The following DPP10 variants were observed in gnomAD, a reference collection of about 807,000 sequenced individuals.
The protein encoded by DPP10 is dipeptidyl peptidase like 10, also known as inactive dipeptidyl peptidase 10.
A neutral mutation model predicts 120.9 loss-of-function variants in DPP10; 33 were observed. That is an observed-to-expected ratio of 0.27 (90% CI 0.21 to 0.37). DPP10 has a LOEUF of 0.37. DPP10 is among the 10% of genes least tolerant of loss of function. DPP10 has a pLI of 1.00. For missense variants in DPP10, 816 were observed against 942.8 expected, an observed-to-expected ratio of 0.87 and a Z score of 1.76; for synonymous variants, 337 against 326.1, an observed-to-expected ratio of 1.03 and a Z score of -0.36.
chr2:115,221,336 A>G (rs1233024475), intron 1 of DPP10, among the ~76,000 whole-genome samples: 1 of 152,146 alleles, frequency 6.6e-6, no homozygotes, highest in Non-Finnish European at 1.5e-5. Flanking sequence ...TTGTGTTAGC[A>G]TATGTTCCCT....
chr2:114,778,204 CACTT>C (rs1184139169), intron 1 of DPP10, among the ~76,000 whole-genome samples: 2 of 152,044 alleles, frequency 1.3e-5, no homozygotes, highest in Non-Finnish European at 2.9e-5. Flanking sequence ...TAAGGGATGA[CACTT>C]ACAGATAGAC....
intron 19 of DPP10, 138 bp from the exon 20 acceptor site, chr2:115,814,655 G>T (rs1037704960): frequency 6.8e-6 from 4 of 592,514 alleles, no homozygotes; most frequent in Non-Finnish European, 5.2e-6. Flanking sequence ...TTACCTTCAG[G>T]TTTATTATCA....
intron 7 of DPP10, among the ~76,000 whole-genome samples, chr2:115,719,167 G>A (rs2092580835): frequency 6.6e-6 from 1 of 151,950 alleles, no homozygotes; most frequent in African/African-American, 2.4e-5. Context: ...TGGTCTTTTT[G>A]CTAACTTTTA....
chr2:114,905,530 G>A (rs1693894389), intron 1 of DPP10, among the ~76,000 whole-genome samples: 1 of 151,986 alleles, frequency 6.6e-6, no homozygotes, highest in South Asian at 2.1e-4. Context: ...TGTTATCTGG[G>A]TAAACTTGTG....
intron 1 of DPP10, among the ~76,000 whole-genome samples, chr2:114,524,187 T>C (rs975045195): frequency 6.6e-6 from 1 of 152,214 alleles, no homozygotes; most frequent in South Asian, 2.1e-4. Context: ...CAGGTGAAGA[T>C]GACATTTGTG....
intron 5 of DPP10, among the ~76,000 whole-genome samples, chr2:115,620,370 A>C (rs139052379): frequency 6.6e-5 from 10 of 152,336 alleles, no homozygotes; most frequent in African/African-American, 2.4e-4. Flanking sequence ...TAGTTTCCTC[A>C]CTGCAAGTGT....
rs117610778 is a variant in DPP10, at chr2:114,696,735, G to A, written c.60+253897G>A. Among the ~76,000 whole-genome samples, 690 of 151,404 alleles carry A rather than the reference G, an allele frequency of 4.6e-3. 2 individuals carry two copies. Among genetic ancestry groups the A allele is most frequent in the Middle Eastern group, 6.8e-3 (2 of 292 alleles). On this transcript the variant is annotated intron_variant, in intron 1 of 25. Transcript: ENST00000410059. ...ACCTAAACTCTGCGTGTGTGTGTGCGCGCGTGCCATAAAGCCAAGGTGGAG... is the reference window on the plus strand; with the variant it reads ...ACCTAAACTCTGCGTGTGTGTGTGCACGCGTGCCATAAAGCCAAGGTGGAG...
intron 1 of DPP10, among the ~76,000 whole-genome samples, chr2:114,546,806 G>A (rs1017716652): frequency 1.1e-4 from 16 of 152,124 alleles, no homozygotes; most frequent in Admixed American, 5.9e-4. Context: ...GCATAACCTC[G>A]TTTTCTTAAT....
At position 114,796,524 on chromosome 2, in the gene DPP10, G is replaced by A. The variant is rs145552190; in HGVS notation, c.60+353686G>A. ...TGTTAGTCAACTGTTGATGTTACTG[G>A]TAAGGCTTTTGGTCAACAGTATGCT... On this transcript the variant is annotated intron_variant, in intron 1 of 25. Coordinates refer to ENST00000410059, the MANE Select transcript of DPP10 (RefSeq NM_020868.6). Among the ~76,000 whole-genome samples, 297 of 152,016 alleles carry A rather than the reference G, an allele frequency of 2.0e-3. 1 individual carries two copies. Among genetic ancestry groups the A allele is most frequent in the African/African-American group, 6.9e-3 (287 of 41,470 alleles).
chr2:115,028,364 C>T (rs1703615629), intron 1 of DPP10, among the ~76,000 whole-genome samples: 1 of 152,052 alleles, frequency 6.6e-6, no homozygotes. Context: ...CATTTAGGAA[C>T]ATACTGTTGA....
intron 1 of DPP10, among the ~76,000 whole-genome samples, chr2:114,993,580 G>GTATATATATATATATATATATATATA (rs59593945): frequency 1.6e-3 from 152 of 97,284 alleles, no homozygotes; most frequent in Non-Finnish European, 2.7e-3. Flanking sequence ...GTGTGTGTGT[G>GTATATATATATATATATATATATATA]TATATATATA....
chr2:115,638,418 C>T (rs1351528082), intron 5 of DPP10, among the ~76,000 whole-genome samples: 8 of 152,274 alleles, frequency 5.3e-5, no homozygotes, highest in African/African-American at 1.7e-4. Context: ...TTCAGTCAAC[C>T]TTGGCATTAT....
intron 3 of DPP10, among the ~76,000 whole-genome samples, chr2:115,454,995 G>T (rs1312102834): frequency 6.6e-6 from 1 of 150,408 alleles, no homozygotes; most frequent in Non-Finnish European, 1.5e-5. Flanking sequence ...AAAAAATTAA[G>T]AATATAATGT....
intron 1 of DPP10, among the ~76,000 whole-genome samples, chr2:114,622,399 C>T (rs542489496): frequency 1.4e-5 from 2 of 144,302 alleles, no homozygotes; most frequent in South Asian, 2.2e-4. Flanking sequence ...CATCCCCATC[C>T]ATCTATCTTT....
At chr2:114,726,168 G>A (rs1041729429) in intron 1 of DPP10, among the ~76,000 whole-genome samples, 6 of 151,864 alleles carry the variant, frequency 4.0e-5, no homozygotes, top group Non-Finnish European at 7.4e-5. Flanking sequence ...CCCGGGAGGC[G>A]GAGCTTGCAG....
chr2:115,088,968 A>C (rs1401646238), intron 1 of DPP10, among the ~76,000 whole-genome samples: 1 of 152,038 alleles, frequency 6.6e-6, no homozygotes, highest in Non-Finnish European at 1.5e-5. Flanking sequence ...TGACTTCCAC[A>C]ACCTTTATTG....
intron 5 of DPP10, among the ~76,000 whole-genome samples, chr2:115,681,606 C>A (rs1388104683): frequency 1.3e-5 from 2 of 151,792 alleles, no homozygotes; most frequent in African/African-American, 4.8e-5. Context: ...CTTTAATCCT[C>A]ATAATAAAAC....
intron 17 of DPP10, 30 bp from the exon 18 acceptor site, chr2:115,791,051 G>T (rs1391030722): frequency 6.6e-7 from 1 of 1,526,172 alleles, no homozygotes; most frequent in South Asian, 1.1e-5. Flanking sequence ...ATAGGGGTTA[G>T]CTATTTACAC....
chr2:115,768,441 G>T (rs1367726165), intron 13 of DPP10, 37 bp downstream of exon 13: 2 of 1,575,318 alleles, frequency 1.3e-6, no homozygotes, highest in Non-Finnish European at 1.7e-6. Context: ...TGATTTCATT[G>T]TCCTCATGTC....
Sources: gnomAD v4.1 joint callset for allele counts (sites outside exome capture counted in the v4.1 genomes callset) on GRCh38, gnomAD v4.1.1 for gene constraint, MANE v1.5 for transcripts, NCBI Gene and HGNC (gene_info 2026-07-23, HGNC 2026-07-21) for gene names.